AGO2: variants seen among roughly 807,000 people sequenced by gnomAD.
The protein encoded by AGO2 is protein argonaute-2.
A neutral mutation model predicts 102.3 loss-of-function variants in AGO2; 5 were observed. The ratio of observed to expected loss-of-function variants is 0.05; its 90% CI spans 0.03 to 0.10. The LOEUF (loss-of-function observed/expected upper bound fraction) is 0.10, where lower values mean the gene tolerates loss of function less well. Among genes scored for constraint, AGO2 ranks in the 10% least tolerant of loss-of-function variants. The probability of loss-of-function intolerance (pLI) is 1.00; values close to 1 mark genes in which losing one functional copy is unlikely to be tolerated. For missense variants in AGO2, 541 were observed against 1,183.7 expected (o/e 0.46, Z 7.97); for synonymous variants, 449 against 473.1 (o/e 0.95, Z 0.66).
intron 13 of AGO2, among the ~76,000 whole-genome samples, chr8:140,545,746 T>C (rs2072888586): frequency 6.6e-6 from 1 of 152,198 alleles, no homozygotes; most frequent in Non-Finnish European, 1.5e-5. Flanking sequence ...CAGGGCTCTA[T>C]CTTCAAAACA....
intron 1 of AGO2, among the ~76,000 whole-genome samples, chr8:140,609,619 T>C (rs1024518224): frequency 6.6e-6 from 1 of 152,180 alleles, no homozygotes; most frequent in Admixed American, 6.5e-5. Flanking sequence ...CACTTCCTCC[T>C]GAGTCTGTCT....
At chr8:140,605,977 G>GC (rs1341239969) in intron 1 of AGO2, 1 of 152,234 alleles carries the variant, frequency 6.6e-6, no homozygotes, top group African/African-American at 2.4e-5. Context: ...AATATTCCAT[G>GC]CCTTCGAGGC....
chr8:140,626,469 G>A (rs1019651573), intron 1 of AGO2: 15 of 152,206 alleles, frequency 9.9e-5, no homozygotes, highest in Non-Finnish European at 2.1e-4. Context: ...CACCATCAGA[G>A]GGACCTTCTG....
intron 2 of AGO2, among the ~76,000 whole-genome samples, chr8:140,577,530 A>G (rs2073485691): frequency 6.6e-6 from 1 of 152,242 alleles, no homozygotes; most frequent in African/African-American, 2.4e-5. Context: ...TTTATTTGAT[A>G]GGATTTAACA....
At chr8:140,639,170 GTTTTT>G (rs1156844223), upstream of AGO2, among the ~76,000 whole-genome samples, 1 of 152,176 alleles carries the variant, frequency 6.6e-6, no homozygotes, top group East Asian at 1.9e-4. Flanking sequence ...GCCCAGACTG[GTTTTT>G]TGTTTTGTTT....
chr8:140,524,613 C>A lies in AGO2; in HGVS notation c.*7431G>T, dbSNP rs537127264. 1 of 152,340 alleles carries A rather than the reference C, an allele frequency of 6.6e-6. No homozygotes were observed. Among genetic ancestry groups the A allele is most frequent in the Admixed American group, 6.5e-5 (1 of 15,278 alleles). The allele number at this position is 152,340 out of a possible 1,614,324, so 9.4% of individuals were successfully genotyped here. A position where few individuals can be genotyped will look rare whatever the true frequency, so the allele number is the denominator to read the frequency against. Reference sequence around the variant, plus strand: ...ATGATTCTGAAAGGACACTGAGGACCGGACTTTAAAGGCACAGAGTCTGAG... The same window carrying A: ...ATGATTCTGAAAGGACACTGAGGACAGGACTTTAAAGGCACAGAGTCTGAG... On this transcript the variant is annotated 3_prime_UTR_variant, in exon 19 of 19. Transcript: ENST00000220592.
chr8:140,559,834 G>A (rs949494413), intron 5 of AGO2, among the ~76,000 whole-genome samples: 4 of 152,208 alleles, frequency 2.6e-5, no homozygotes, highest in African/African-American at 9.7e-5. Flanking sequence ...ACCGTCTGGT[G>A]TAGATATTTC....
At chr8:140,573,926 G>A (rs921269046) in intron 2 of AGO2, among the ~76,000 whole-genome samples, 3 of 152,192 alleles carry the variant, frequency 2.0e-5, no homozygotes, top group South Asian at 2.1e-4. Context: ...CCCGGGTGCT[G>A]CTACCCCTCC....
At chr8:140,551,148 G>T (rs1292846532) in intron 11 of AGO2, among the ~76,000 whole-genome samples, 155 bp downstream of exon 11, 1 of 152,200 alleles carries the variant, frequency 6.6e-6, no homozygotes, top group Non-Finnish European at 1.5e-5. Context: ...CCCGGCCAAT[G>T]GTACGTGACA....
In AGO2 at chr8:140,557,977, C is replaced by T. The variant is rs141525885; in HGVS notation, c.878+508G>A. On this transcript the variant is annotated intron_variant, in intron 7 of 18. Transcript: ENST00000220592. The surrounding 1 kb of genome is among the most constrained non-coding windows in gnomAD (Gnocchi z 5.9). ...GATCCATGAAATAAACGAACCCTAC[C>T]GGCCTGGGAGACATTAACTGGGGCA... Among the ~76,000 whole-genome samples the T allele has an allele frequency of 7.9e-5, 12 of 152,306 alleles. No individual in the cohort carries two copies. The East Asian group carries it at 1.9e-3, about 25-fold the overall frequency.
At chr8:140,556,594 G>A (rs576579187) in intron 8 of AGO2, among the ~76,000 whole-genome samples, 4 of 152,142 alleles carry the variant, frequency 2.6e-5, no homozygotes, top group African/African-American at 4.8e-5. Context: ...TCCAGTCTTC[G>A]GTGGCTGCGG....
intron 2 of AGO2, among the ~76,000 whole-genome samples, chr8:140,583,422 T>A (rs1051323127): frequency 3.9e-5 from 6 of 152,196 alleles, no homozygotes; most frequent in African/African-American, 1.4e-4. Context: ...GCCTGAGAAA[T>A]TCACTCAGGC....
At chr8:140,595,785 T>C (rs2073820671) in intron 1 of AGO2, among the ~76,000 whole-genome samples, 1 of 55,458 alleles carries the variant, frequency 1.8e-5, no homozygotes, top group East Asian at 4.7e-4. Context: ...TACAATTGTA[T>C]ATACAATTAT....
chr8:140,574,120 C>A (rs1187587008), intron 2 of AGO2, among the ~76,000 whole-genome samples: 1 of 146,610 alleles, frequency 6.8e-6, no homozygotes, highest in Non-Finnish European at 1.5e-5. Flanking sequence ...AGATCCACGA[C>A]CCCCACCCTC....
chr8:140,549,666 G>A (rs2072962997), intron 11 of AGO2, among the ~76,000 whole-genome samples: 2 of 152,266 alleles, frequency 1.3e-5, no homozygotes, highest in Admixed American at 6.5e-5. Flanking sequence ...GCAGCGCCTG[G>A]AGCTCTTGTG....
At chr8:140,610,232 C>A (rs1044046135) in intron 1 of AGO2, among the ~76,000 whole-genome samples, 1 of 151,822 alleles carries the variant, frequency 6.6e-6, no homozygotes, top group Non-Finnish European at 1.5e-5. Context: ...CCCCCAAAAC[C>A]AAAAACCAAA....
In AGO2 at chr8:140,524,452, G is replaced by C. The variant is rs1588425240; in HGVS notation, c.*7592C>G. 6.6e-6 allele frequency: 1 copy of C among 152,212 alleles called. No homozygotes were observed. Among genetic ancestry groups the C allele is most frequent in the Non-Finnish European group, 1.5e-5 (1 of 68,076 alleles). The allele number at this position is 152,212 out of a possible 1,614,324, so 9.4% of individuals were successfully genotyped here. On this transcript the variant is annotated 3_prime_UTR_variant, in exon 19 of 19. Transcript: ENST00000220592. ...CGCAATGAGACCGAGTGCGTCCCCC[G>C]CGGCTCCAGACTGCATGGCATCACA...
At chr8:140,612,701 G>A (rs971450519) in intron 1 of AGO2, among the ~76,000 whole-genome samples, 16 of 152,066 alleles carry the variant, frequency 1.1e-4, no homozygotes, top group African/African-American at 3.6e-4. Flanking sequence ...GCAGTGAGCC[G>A]AGACTGCGCC....
In AGO2 at chr8:140,522,726, G is replaced by GGAGAGGGAGAGAGA. The variant is rs1554696535; in HGVS notation, c.*9317_*9318insTCTCTCTCCCTCTC. 2.2e-4 allele frequency: 27 copies of GGAGAGGGAGAGAGA among 121,056 alleles called. No homozygotes were observed. The highest frequency in any genetic ancestry group is 8.2e-4 in the African/African-American group (26 of 31,674). The allele number at this position is 121,056 out of a possible 1,614,324, so 7.5% of individuals were successfully genotyped here. A position where few individuals can be genotyped will look rare whatever the true frequency, so the allele number is the denominator to read the frequency against. ...AGAGGGAGGGGGAGGGGGGAGAGGG[G>GGAGAGGGAGAGAGA]GAGAGAGAGAGAGAGAGAGAGAGGT... is the stretch of plus-strand genomic sequence containing the variant. On this transcript the variant is annotated 3_prime_UTR_variant, in exon 19 of 19. Transcript: ENST00000220592.
Sources: gnomAD v4.1 joint callset for allele counts (sites outside exome capture counted in the v4.1 genomes callset) on GRCh38, gnomAD v4.1.1 for gene constraint, Gnocchi (gnomAD v3.1) non-coding constraint, MANE v1.5 for transcripts, NCBI Gene and HGNC (gene_info 2026-07-23, HGNC 2026-07-21) for gene names.